Variants in ZNF521 observed in about 807,000 individuals in gnomAD.
The protein encoded by ZNF521 is LYST-interacting protein 3.
A neutral mutation model predicts 105.5 loss-of-function variants in ZNF521; 14 were observed. The observed-to-expected ratio is 0.13, with a 90% CI of 0.09 to 0.21. ZNF521 has a LOEUF of 0.21. Ranked by LOEUF, ZNF521 falls within the 10% of genes least tolerant of loss-of-function variation. The pLI is 1.00. For synonymous variants in ZNF521, 635 were observed against 606.0 expected, an observed-to-expected ratio of 1.05 and a Z score of -0.70; for missense variants, 1,233 against 1,629.7, an observed-to-expected ratio of 0.76 and a Z score of 4.19.
At position 25,242,142 on chromosome 18, in the gene ZNF521, C is replaced by T. The variant is rs8097367; in HGVS notation, c.221-14445G>A. ...CAATCTGTCACTGAAATTCAAATTG[C>T]CTTTTTCCTATTATTCAAGGAGCAA... is the stretch of plus-strand genomic sequence containing the variant. On this transcript the variant is annotated intron_variant, in intron 3 of 7. Transcript: ENST00000361524. Among the ~76,000 whole-genome samples the T allele has an allele frequency of 6.8e-3, 1,039 of 152,188 alleles. 7 individuals carry two copies. The highest frequency in any genetic ancestry group is 0.019 in the African/African-American group (781 of 41,510).
At chr18:25,320,527 T>C (rs986053963) in intron 3 of ZNF521, among the ~76,000 whole-genome samples, 1 of 152,090 alleles carries the variant, frequency 6.6e-6, no homozygotes, top group Non-Finnish European at 1.5e-5. Context: ...AGAGAATAGA[T>C]TTGTTCTTCA....
intron 5 of ZNF521, among the ~76,000 whole-genome samples, chr18:25,131,074 G>A (rs1600074311): frequency 6.6e-6 from 1 of 151,912 alleles, no homozygotes; most frequent in African/African-American, 2.4e-5. Flanking sequence ...GAAAAGTTTG[G>A]TAGCAGCCAC....
At chr18:25,161,469 T>C (rs2035250198) in intron 5 of ZNF521, among the ~76,000 whole-genome samples, 1 of 152,160 alleles carries the variant, frequency 6.6e-6, no homozygotes. Flanking sequence ...TCATGATGTG[T>C]GGTGAAATGG....
At position 25,111,699 on chromosome 18, in the gene ZNF521, A is replaced by G. The variant is rs114159440; in HGVS notation, c.3659-19618T>C. On this transcript the variant is annotated intron_variant, in intron 5 of 7. Transcript: ENST00000361524. ...TTTTAAGGGGCTAAACTGCCCATTCATTAGCCTTTGCAACTCTCAATTTCC... is the reference window on the plus strand; with the variant it reads ...TTTTAAGGGGCTAAACTGCCCATTCGTTAGCCTTTGCAACTCTCAATTTCC... Among the ~76,000 whole-genome samples the G allele has an allele frequency of 1.0e-2, 1,519 of 152,280 alleles. 24 individuals are homozygous for G. Among genetic ancestry groups the G allele is most frequent in the African/African-American group, 0.033 (1,381 of 41,542 alleles).
chr18:25,200,339 C>T (rs1036948033), intron 4 of ZNF521, among the ~76,000 whole-genome samples: 44 of 152,000 alleles, frequency 2.9e-4, no homozygotes, highest in Admixed American at 2.5e-3. Context: ...ATAGAATTGG[C>T]TCTTAATTCC....
intron 2 of ZNF521, among the ~76,000 whole-genome samples, chr18:25,336,214 ATC>A (rs1462593341): frequency 2.0e-5 from 3 of 152,206 alleles, no homozygotes; most frequent in African/African-American, 7.2e-5. Context: ...ACAACACAGA[ATC>A]TCTCTCTGAA....
chr18:25,328,202 C>T (rs1320142967), intron 2 of ZNF521, among the ~76,000 whole-genome samples: 3 of 152,146 alleles, frequency 2.0e-5, no homozygotes, highest in Non-Finnish European at 4.4e-5. Flanking sequence ...AACAAAATCG[C>T]ACTGTTGAAG....
intron 3 of ZNF521, among the ~76,000 whole-genome samples, chr18:25,296,461 A>G (rs1381458547): frequency 6.6e-6 from 1 of 152,132 alleles, no homozygotes; most frequent in Admixed American, 6.5e-5. Context: ...TGTTTCTTCA[A>G]AGATACTCAG....
chr18:25,080,229 T>A (rs993974210), intron 7 of ZNF521, among the ~76,000 whole-genome samples: 2 of 152,366 alleles, frequency 1.3e-5, no homozygotes, highest in East Asian at 3.9e-4. Context: ...GAAGGAGACC[T>A]GTTATTTTAG....
rs1379395523 is a variant in ZNF521 at position 25,351,880 on chromosome 18, GGCGGCGGCAGCA to G, written c.-2+113_-2+124del. 963 of 271,582 alleles carry G rather than the reference GGCGGCGGCAGCA, an allele frequency of 3.5e-3. 7 individuals are homozygous for G. Among genetic ancestry groups the G allele is most frequent in the African/African-American group, 0.017 (752 of 43,090 alleles). The allele number at this position is 271,582 out of a possible 1,614,324, so 16.8% of individuals were successfully genotyped here. A position where few individuals can be genotyped will look rare whatever the true frequency, so the allele number is the denominator to read the frequency against. On this transcript the variant is annotated intron_variant, in intron 1 of 7. Transcript: ENST00000361524. Reference sequence around the variant, plus strand: ...TAAAGTCTACGGCTGCCTCGGCAGCGGCGGCGGCAGCAGCGGCGGCAGCGGCGGCGGCAGCGG... The same window carrying G: ...TAAAGTCTACGGCTGCCTCGGCAGCGGCGGCGGCAGCGGCGGCGGCAGCGG...
chr18:25,230,326 T>C (rs1906452999), intron 3 of ZNF521, among the ~76,000 whole-genome samples: 1 of 152,226 alleles, frequency 6.6e-6, no homozygotes, highest in African/African-American at 2.4e-5. Context: ...GTAAAAACTC[T>C]CATTTGCCAG....
chr18:25,230,380 A>G (rs944507065), intron 3 of ZNF521, among the ~76,000 whole-genome samples: 1 of 152,188 alleles, frequency 6.6e-6, no homozygotes, highest in East Asian at 1.9e-4. Flanking sequence ...ACAGGGACTC[A>G]CTACTCCAAG....
intron 7 of ZNF521, among the ~76,000 whole-genome samples, chr18:25,073,781 ATTTCT>A (rs2033282389): frequency 6.6e-6 from 1 of 152,096 alleles, no homozygotes; most frequent in Non-Finnish European, 1.5e-5. Context: ...GTAGTGTATT[ATTTCT>A]TTTATTAAAA....
chr18:25,328,540 C>T (rs115158288), intron 2 of ZNF521, among the ~76,000 whole-genome samples: 55 of 151,228 alleles, frequency 3.6e-4, no homozygotes, highest in African/African-American at 1.3e-3. Flanking sequence ...CCTCCTTTAT[C>T]TTATTTTTTT....
At chr18:25,273,311 T>C (rs915704190) in intron 3 of ZNF521, among the ~76,000 whole-genome samples, 1 of 150,280 alleles carries the variant, frequency 6.7e-6, no homozygotes, top group East Asian at 2.0e-4. Flanking sequence ...AAAATAAATT[T>C]TGTTGCGCAG....
At chr18:25,292,036 G>A (rs1911060768) in intron 3 of ZNF521, among the ~76,000 whole-genome samples, 1 of 151,894 alleles carries the variant, frequency 6.6e-6, no homozygotes, top group African/African-American at 2.4e-5. Context: ...TTTATTGAAA[G>A]AAAAAAAGGA....
intron 3 of ZNF521, among the ~76,000 whole-genome samples, chr18:25,269,860 C>G (rs527478567): frequency 6.6e-6 from 1 of 152,106 alleles, no homozygotes; most frequent in Non-Finnish European, 1.5e-5. Flanking sequence ...AACTGACACC[C>G]TAACATCACA....
chr18:25,186,904 TAAAAAAAAAA>T (rs113619835), intron 5 of ZNF521, among the ~76,000 whole-genome samples: 1 of 74,338 alleles, frequency 1.3e-5, no homozygotes, highest in African/African-American at 4.3e-5. Context: ...AAAGTAATGC[TAAAAAAAAAA>T]AAAAAAAGAA....
chr18:25,250,638 A>G (rs1459748964), intron 3 of ZNF521, among the ~76,000 whole-genome samples: 1 of 152,236 alleles, frequency 6.6e-6, no homozygotes, highest in Non-Finnish European at 1.5e-5. Flanking sequence ...TCTTCCAAAT[A>G]GTGAACTCCG....
Sources: gnomAD v4.1 joint callset for allele counts (sites outside exome capture counted in the v4.1 genomes callset) on GRCh38, gnomAD v4.1.1 for gene constraint, MANE v1.5 for transcripts, NCBI Gene and HGNC (gene_info 2026-07-23, HGNC 2026-07-21) for gene names.